HDAC9: variants seen among roughly 807,000 people sequenced by gnomAD.
HDAC9 encodes MEF-2 interacting transcription repressor (MITR) protein.
Under a neutral mutation model 139.4 loss-of-function variants are expected in HDAC9, and 41 were observed. That is an observed-to-expected ratio of 0.29 (90% CI 0.23 to 0.38). HDAC9 has a LOEUF of 0.38. HDAC9 is among the 10% of genes least tolerant of loss of function. The pLI is 1.00. For synonymous variants in HDAC9, 517 were observed against 476.2 expected (o/e 1.09, Z -1.12); for missense variants, 1,147 against 1,297.0 (o/e 0.88, Z 1.78).
chr7:18,102,230 A>G (rs1782899172), intron 1 of HDAC9, among the ~76,000 whole-genome samples: 2 of 152,220 alleles, frequency 1.3e-5, no homozygotes, highest in African/African-American at 2.4e-5. Flanking sequence ...TGACTGTGAT[A>G]ATTTAAAAGA....
intron 1 of HDAC9, among the ~76,000 whole-genome samples, chr7:18,456,740 T>C (rs1793388737): frequency 6.6e-6 from 1 of 152,212 alleles, no homozygotes; most frequent in Non-Finnish European, 1.5e-5. Flanking sequence ...CAATCCTTAC[T>C]GTGTACTTAC....
intron 21 of HDAC9, among the ~76,000 whole-genome samples, chr7:18,858,604 C>G (rs574767555): frequency 6.6e-6 from 1 of 152,252 alleles, no homozygotes; most frequent in African/African-American, 2.4e-5. Flanking sequence ...GTTAACATTT[C>G]CTATCTAGAA....
rs75286344 is a variant in HDAC9, at chr7:18,559,878, A to C, written c.23-25403A>C. Among the ~76,000 whole-genome samples, 382 of 152,320 alleles carry C rather than the reference A, an allele frequency of 2.5e-3. 1 individual carries two copies. Among genetic ancestry groups the C allele is most frequent in the African/African-American group, 8.8e-3 (365 of 41,570 alleles). On this transcript the variant is annotated intron_variant, in intron 2 of 25. Coordinates refer to ENST00000686413, the MANE Select transcript of HDAC9 (RefSeq NM_178425.4). Reference sequence around the variant, plus strand: ...TATGTTAGAAGCAGTAATGCTGGCTATACCACCTAAATATAAGTCTTACAC... The same window carrying C: ...TATGTTAGAAGCAGTAATGCTGGCTCTACCACCTAAATATAAGTCTTACAC...
chr7:18,214,791 G>A (rs905084406), intron 2 of HDAC9, among the ~76,000 whole-genome samples: 13 of 152,198 alleles, frequency 8.5e-5, no homozygotes, highest in Middle Eastern at 3.4e-3. Flanking sequence ...TGCAAATTCT[G>A]TCATAGGTAG....
chr7:18,966,905 A>G (rs1783894047), intron 24 of HDAC9, among the ~76,000 whole-genome samples: 1 of 152,220 alleles, frequency 6.6e-6, no homozygotes, highest in Non-Finnish European at 1.5e-5. Flanking sequence ...ATGTTTTGTT[A>G]CATATTTTAA....
At chr7:18,863,193 C>T (rs1798241481) in intron 21 of HDAC9, among the ~76,000 whole-genome samples, 1 of 152,128 alleles carries the variant, frequency 6.6e-6, no homozygotes, top group African/African-American at 2.4e-5. Context: ...GTGAAACGTG[C>T]AGAGGCTGAG....
intron 17 of HDAC9, among the ~76,000 whole-genome samples, chr7:18,795,257 T>TAAAAA (rs5882676): frequency 9.2e-5 from 6 of 65,484 alleles, no homozygotes; most frequent in African/African-American, 1.4e-4. Flanking sequence ...AAGAAAACAG[T>TAAAAA]AAAAAAAAAA....
In HDAC9 at chr7:18,327,357, A is replaced by G. The variant is rs1390617200; in HGVS notation, c.-42+36842A>G. On this transcript the variant is annotated intron_variant, in intron 1 of 3. Coordinates refer to the HDAC9 transcript ENST00000413509. ...AATGGCCAGAAGATGTAATGCTATA[A>G]TATAGTTAATTTGCAGTAATAATCA... 3.3e-5 allele frequency: 5 copies of G among 151,938 alleles called. No individual in the cohort carries two copies. The South Asian group carries it at 1.0e-3, about 31-fold the overall frequency. The allele number at this position is 151,938 out of a possible 1,614,324, so 9.4% of individuals were successfully genotyped here. A position where few individuals can be genotyped will look rare whatever the true frequency, so the allele number is the denominator to read the frequency against.
chr7:18,537,947 C>A (rs1412281518), intron 2 of HDAC9, among the ~76,000 whole-genome samples: 1 of 152,182 alleles, frequency 6.6e-6, no homozygotes, highest in African/African-American at 2.4e-5. Flanking sequence ...CCTTCATAAC[C>A]TCAGGCAGCA....
chr7:18,311,109 T>C (rs1799289501), intron 1 of HDAC9, among the ~76,000 whole-genome samples: 1 of 151,872 alleles, frequency 6.6e-6, no homozygotes, highest in Non-Finnish European at 1.5e-5. Context: ...ATGATGATGA[T>C]GATGATGACA....
At chr7:18,137,781 C>G (rs1178365) in intron 1 of HDAC9, among the ~76,000 whole-genome samples, 4 of 151,818 alleles carry the variant, frequency 2.6e-5, no homozygotes, top group African/African-American at 9.7e-5. Flanking sequence ...TTGGTTGTGT[C>G]TCTGCCCGGC....
chr7:18,890,822 C>T (rs1337260551), intron 22 of HDAC9, among the ~76,000 whole-genome samples: 1 of 152,168 alleles, frequency 6.6e-6, no homozygotes. Context: ...GTAATATAAA[C>T]TTTAAGCGAA....
chr7:18,187,826 G>A (rs140999556), intron 2 of HDAC9, among the ~76,000 whole-genome samples: 1 of 152,176 alleles, frequency 6.6e-6, no homozygotes, highest in East Asian at 1.9e-4. Context: ...ACTGTCAAGG[G>A]TATAGGGCAA....
chr7:18,891,883 TG>T (rs1800712894), intron 22 of HDAC9, among the ~76,000 whole-genome samples: 1 of 152,174 alleles, frequency 6.6e-6, no homozygotes, highest in Non-Finnish European at 1.5e-5. Context: ...TCATTCCCTC[TG>T]GGGGTGATCT....
intron 25 of HDAC9, 122 bp downstream of exon 25, chr7:18,976,075 C>T: frequency 1.1e-6 from 1 of 949,914 alleles, no homozygotes; most frequent in Non-Finnish European, 1.6e-6. Context: ...CCTGTCCTCT[C>T]CAAAGCCACA....
chr7:18,217,879 G>C (rs1792425902), intron 2 of HDAC9, among the ~76,000 whole-genome samples: 1 of 152,106 alleles, frequency 6.6e-6, no homozygotes, highest in African/African-American at 2.4e-5. Flanking sequence ...TCTGGGAGAG[G>C]TTTAACTGGG....
chr7:18,563,974 T>C (rs1398998416), intron 2 of HDAC9, among the ~76,000 whole-genome samples: 3 of 151,906 alleles, frequency 2.0e-5, no homozygotes, highest in Non-Finnish European at 4.4e-5. Context: ...TAGCTGGGAC[T>C]ACAGGTGTGT....
At chr7:18,134,281 C>T (rs1785239662) in intron 1 of HDAC9, among the ~76,000 whole-genome samples, 1 of 152,052 alleles carries the variant, frequency 6.6e-6, no homozygotes, top group Admixed American at 6.6e-5. Context: ...CCTAATTCTG[C>T]TGGATAGCAT....
chr7:18,767,135 T>C lies in HDAC9; in HGVS notation c.2194T>C (p.Leu732=). 1 of 1,581,642 alleles carries C rather than the reference T, an allele frequency of 6.3e-7. No individual in the cohort carries two copies. The highest frequency in any genetic ancestry group is 1.4e-5 in the African/African-American group (1 of 73,798). ...TGACTCTCAAAAGTTTTTTTCCTCATTACCTTGTGGTGGACTTGGGGTAAG... is the reference window on the plus strand; with the variant it reads ...TGACTCTCAAAAGTTTTTTTCCTCACTACCTTGTGGTGGACTTGGGGTAAG... ...GDDSQKFFSS[L]PCGGLGVDSD... The change falls in exon 16 of 26, where the codon TTA becomes CTA. Residue 732 remains leucine (L), a synonymous_variant. Coordinates refer to ENST00000686413, the MANE Select transcript of HDAC9 (RefSeq NM_178425.4).
Sources: allele counts gnomAD v4.1 joint callset (sites outside exome capture counted in the v4.1 genomes callset), GRCh38; gene constraint gnomAD v4.1.1; transcripts MANE v1.5; gene names NCBI Gene and HGNC (gene_info 2026-07-23, HGNC 2026-07-21).